Variants in RBMS3 observed in about 807,000 individuals in gnomAD.
RBMS3 encodes the protein RNA binding motif single stranded interacting protein 3.
RBMS3 carries 27 observed loss-of-function variants against 66.8 expected under a neutral mutation model. The observed-to-expected ratio is 0.40, with a 90% CI of 0.30 to 0.56. The LOEUF (loss-of-function observed/expected upper bound fraction) is 0.56. Ranked by LOEUF, RBMS3 falls within the 20% of genes least tolerant of loss-of-function variation. The pLI is 0.40. For missense variants in RBMS3, 513 were observed against 549.5 expected (o/e 0.93, Z 0.66); for synonymous variants, 188 against 183.0 (o/e 1.03, Z -0.22).
At chr3:29,744,746 T>G (rs1012566881) in intron 5 of RBMS3, among the ~76,000 whole-genome samples, 7 of 148,338 alleles carry the variant, frequency 4.7e-5, no homozygotes, top group African/African-American at 1.0e-4. Context: ...ATCACACCAT[T>G]GCACTCCAGC....
intron 3 of RBMS3, among the ~76,000 whole-genome samples, chr3:29,565,833 A>C (rs2046722593): frequency 6.6e-6 from 1 of 152,184 alleles, no homozygotes; most frequent in Non-Finnish European, 1.5e-5. Flanking sequence ...TTGAAGATAA[A>C]TGTTTTGCCC....
chr3:29,712,338 G>T (rs1450452748), intron 4 of RBMS3, among the ~76,000 whole-genome samples: 1 of 151,458 alleles, frequency 6.6e-6, no homozygotes, highest in Non-Finnish European at 1.5e-5. Context: ...TTTGAGACAG[G>T]GTCTCACTCT....
chr3:29,967,826 C>T (rs1435212953), intron 12 of RBMS3, among the ~76,000 whole-genome samples: 2 of 152,060 alleles, frequency 1.3e-5, no homozygotes, highest in African/African-American at 4.8e-5. Flanking sequence ...TGTTTCATTT[C>T]TTAGTGAGGT....
chr3:29,597,595 A>G (rs1416322341), intron 4 of RBMS3, among the ~76,000 whole-genome samples: 1 of 152,164 alleles, frequency 6.6e-6, no homozygotes, highest in Non-Finnish European at 1.5e-5. Flanking sequence ...TGGCTAAATC[A>G]GTGGGAGTTG....
rs939961991 is a variant in RBMS3 at position 30,006,281 on chromosome 3, A to C, written c.*2419A>C. 6.6e-6 allele frequency: 1 copy of C among 151,932 alleles called. No homozygotes were observed. Among genetic ancestry groups the C allele is most frequent in the Non-Finnish European group, 1.5e-5 (1 of 67,850 alleles). The allele number at this position is 151,932 out of a possible 1,614,324, so 9.4% of individuals were successfully genotyped here. On this transcript the variant is annotated 3_prime_UTR_variant, in exon 15 of 15. Transcript: ENST00000383767. ...TCAACATGAGTAATAAGGTTGACTC[A>C]TGTGAAATTGTCAATATTCTACTAT...
At chr3:29,553,515 G>T (rs1559463319) in intron 3 of RBMS3, among the ~76,000 whole-genome samples, 1 of 152,022 alleles carries the variant, frequency 6.6e-6, no homozygotes, top group South Asian at 2.1e-4. Flanking sequence ...TGCAGCTCTG[G>T]ATGGGAAGGG....
chr3:29,567,529 C>G (rs568502049), intron 3 of RBMS3, among the ~76,000 whole-genome samples: 79 of 152,092 alleles, frequency 5.2e-4, no homozygotes, highest in African/African-American at 1.9e-3. Context: ...GTAGAGAGTC[C>G]AGTGGTAGAA....
intron 1 of RBMS3, among the ~76,000 whole-genome samples, chr3:29,314,230 G>T (rs942324461): frequency 4.0e-5 from 6 of 151,728 alleles, no homozygotes; most frequent in Non-Finnish European, 7.4e-5. Context: ...ATGTAATGTA[G>T]TTGGCAGTTG....
chr3:29,721,293 A>C (rs1367374577), intron 4 of RBMS3, among the ~76,000 whole-genome samples: 1 of 152,166 alleles, frequency 6.6e-6, no homozygotes. Flanking sequence ...TACCCAAATC[A>C]ACATTGGAAG....
At chr3:29,551,398 G>A (rs1322819791) in intron 3 of RBMS3, among the ~76,000 whole-genome samples, 2 of 152,132 alleles carry the variant, frequency 1.3e-5, no homozygotes, top group Non-Finnish European at 2.9e-5. Flanking sequence ...AAATAAGATA[G>A]TAAGCCCCAA....
intron 11 of RBMS3, among the ~76,000 whole-genome samples, chr3:29,943,300 C>T (rs1248150137): frequency 6.6e-6 from 1 of 151,774 alleles, no homozygotes; most frequent in African/African-American, 2.4e-5. Context: ...TAAACAATAT[C>T]AAGTTTCTTT....
At chr3:29,637,866 C>G (rs2049531626) in intron 4 of RBMS3, among the ~76,000 whole-genome samples, 1 of 151,798 alleles carries the variant, frequency 6.6e-6, no homozygotes, top group South Asian at 2.1e-4. Flanking sequence ...TGACAACACT[C>G]AAATTATCCA....
intron 1 of RBMS3, among the ~76,000 whole-genome samples, chr3:29,384,435 T>TAATAATAAGAAG (rs776357215): frequency 0.011 from 1,552 of 141,060 alleles, 17 homozygotes; most frequent in African/African-American, 0.024. Context: ...ATAATAATAA[T>TAATAATAAGAAG]AAGAAGAAGA....
At position 29,361,147 on chromosome 3, in the gene RBMS3, A is replaced by G. The variant is rs1284233206; in HGVS notation, c.76-73596A>G. Among the ~76,000 whole-genome samples the G allele has an allele frequency of 3.3e-5, 5 of 151,976 alleles. 1 individual carries two copies. The highest frequency in any genetic ancestry group is 7.3e-5 in the African/African-American group (3 of 41,296). On this transcript the variant is annotated intron_variant, in intron 1 of 14. Transcript: ENST00000383767. ...GAAGCAGTTTCTTCCTAGCATCAAT[A>G]GTCTTTACAATTTAGCATGTTTTTG...
At chr3:29,847,899 G>T (rs1048112512) in intron 6 of RBMS3, among the ~76,000 whole-genome samples, 1 of 152,028 alleles carries the variant, frequency 6.6e-6, no homozygotes, top group Non-Finnish European at 1.5e-5. Context: ...CTCGTGATCC[G>T]CCCGCCTCGG....
At chr3:29,955,439 A>G (rs1028952908) in intron 12 of RBMS3, among the ~76,000 whole-genome samples, 2 of 152,026 alleles carry the variant, frequency 1.3e-5, no homozygotes, top group Non-Finnish European at 2.9e-5. Context: ...CAGAACCTTG[A>G]CTAAGAGAAA....
intron 4 of RBMS3, among the ~76,000 whole-genome samples, chr3:29,638,984 T>A (rs1449809560): frequency 6.6e-6 from 1 of 151,900 alleles, no homozygotes; most frequent in East Asian, 1.9e-4. Context: ...ATCATAATAA[T>A]CCTTTCTTTA....
intron 3 of RBMS3, among the ~76,000 whole-genome samples, chr3:29,532,758 C>A (rs921028836): frequency 3.3e-5 from 5 of 151,998 alleles, no homozygotes; most frequent in Admixed American, 6.6e-5. Context: ...AATTGTGAGA[C>A]CTGATTCTTT....
At chr3:29,699,115 A>C (rs1033443696) in intron 4 of RBMS3, among the ~76,000 whole-genome samples, 1 of 152,188 alleles carries the variant, frequency 6.6e-6, no homozygotes, top group Non-Finnish European at 1.5e-5. Flanking sequence ...AAAATCTTTC[A>C]ATAAGTACCT....
Sources: gnomAD v4.1 joint callset for allele counts (sites outside exome capture counted in the v4.1 genomes callset) on GRCh38, gnomAD v4.1.1 for gene constraint, MANE v1.5 for transcripts, NCBI Gene and HGNC (gene_info 2026-07-23, HGNC 2026-07-21) for gene names.